Variants in SHISA9 observed in about 807,000 individuals in gnomAD.
The protein encoded by SHISA9 is protein shisa-9.
SHISA9 carries 13 observed loss-of-function variants against 38.0 expected under a neutral mutation model. That is an observed-to-expected ratio of 0.34 (90% confidence interval 0.22 to 0.54). SHISA9 has a LOEUF of 0.54. SHISA9 is among the 20% of genes least tolerant of loss of function. The pLI is 0.91. For synonymous variants in SHISA9, 275 were observed against 242.0 expected, an observed-to-expected ratio of 1.14 and a Z score of -1.27; for missense variants, 538 against 575.8, an observed-to-expected ratio of 0.93 and a Z score of 0.67.
intron 2 of SHISA9, among the ~76,000 whole-genome samples, chr16:13,196,409 AAGAAAG>A: frequency 6.6e-6 from 1 of 151,288 alleles, no homozygotes; most frequent in South Asian, 2.1e-4. Context: ...AAAAAAAAAA[AAGAAAG>A]AAAAAAAAAA....
intron 2 of SHISA9, among the ~76,000 whole-genome samples, chr16:13,187,277 A>G (rs1408338166): frequency 2.0e-5 from 3 of 148,930 alleles, no homozygotes; most frequent in Non-Finnish European, 4.5e-5. Context: ...ACTTCTCAGG[A>G]GGTAGGATTG....
the SHISA9 span, among the ~76,000 whole-genome samples, chr16:13,559,279 T>C: frequency 1.3e-5 from 2 of 152,078 alleles, no homozygotes; most frequent in Non-Finnish European, 2.9e-5. Context: ...ATTTTGTAGA[T>C]GGGAAGCTAA....
the SHISA9 span, among the ~76,000 whole-genome samples, chr16:13,335,830 A>G: frequency 6.6e-6 from 1 of 152,208 alleles, no homozygotes; most frequent in Non-Finnish European, 1.5e-5. Context: ...GGGCAGGACT[A>G]TCTTGGTGCT....
the SHISA9 span, among the ~76,000 whole-genome samples, chr16:13,313,778 A>G: frequency 1.5e-4 from 23 of 152,350 alleles, no homozygotes; most frequent in African/African-American, 5.3e-4. Context: ...GGAAATGCCA[A>G]ATTATCTACA....
chr16:13,390,350 C>T, the SHISA9 span, among the ~76,000 whole-genome samples: 2 of 152,264 alleles, frequency 1.3e-5, no homozygotes, highest in South Asian at 4.2e-4. Context: ...TGCAATCCAA[C>T]ATGAAGTGTG....
the SHISA9 span, among the ~76,000 whole-genome samples, chr16:13,496,117 G>C: frequency 1.3e-5 from 2 of 152,092 alleles, no homozygotes; most frequent in Non-Finnish European, 2.9e-5. Flanking sequence ...ACATGATAAG[G>C]TTTCAGCATT....
the SHISA9 span, among the ~76,000 whole-genome samples, chr16:13,318,814 A>T: frequency 2.0e-5 from 3 of 152,250 alleles, no homozygotes; most frequent in Non-Finnish European, 4.4e-5. Context: ...AACCTGGATC[A>T]TGGCAATCTT....
chr16:13,546,808 T>G, the SHISA9 span, among the ~76,000 whole-genome samples: 1 of 151,996 alleles, frequency 6.6e-6, no homozygotes, highest in Non-Finnish European at 1.5e-5. Flanking sequence ...ATTTGAGTAG[T>G]TGAAAAAGAA....
chr16:13,288,139 G>C, the SHISA9 span, among the ~76,000 whole-genome samples: 1 of 151,942 alleles, frequency 6.6e-6, no homozygotes, highest in Non-Finnish European at 1.5e-5. Context: ...TATGGGACTA[G>C]GTTAAAAAAA....
chr16:13,325,486 A>G, the SHISA9 span, among the ~76,000 whole-genome samples: 3 of 152,090 alleles, frequency 2.0e-5, no homozygotes, highest in Non-Finnish European at 4.4e-5. Context: ...GATGGGATCC[A>G]TTTAGTTGGT....
At chr16:13,359,884 A>G in the SHISA9 span, among the ~76,000 whole-genome samples, 1 of 152,218 alleles carries the variant, frequency 6.6e-6, no homozygotes, top group African/African-American at 2.4e-5. Flanking sequence ...GCAGCAAAGG[A>G]TGCTAGAAGC....
At chr16:13,562,566 G>A in the SHISA9 span, 2 of 148,656 alleles carry the variant, frequency 1.3e-5, no homozygotes, top group African/African-American at 5.0e-5. Flanking sequence ...GGAGGCTGAG[G>A]TTACAGTGAG....
chr16:13,119,707 C>G (rs1326569513), intron 2 of SHISA9, among the ~76,000 whole-genome samples: 1 of 152,154 alleles, frequency 6.6e-6, no homozygotes, highest in Non-Finnish European at 1.5e-5. Flanking sequence ...GTGAACTGGG[C>G]TGTATCTGAT....
At chr16:13,107,993 G>A (rs980090128) in intron 2 of SHISA9, among the ~76,000 whole-genome samples, 9 of 152,076 alleles carry the variant, frequency 5.9e-5, no homozygotes, top group Admixed American at 1.3e-4. Context: ...CATTGTAGAG[G>A]GCACATTCTC....
chr16:12,950,389 G>C (rs1013133404), intron 2 of SHISA9, among the ~76,000 whole-genome samples: 2 of 152,036 alleles, frequency 1.3e-5, no homozygotes, highest in African/African-American at 4.8e-5. Context: ...CCCAGCAGTG[G>C]GATTCCCCCG....
At chr16:13,492,973 T>C in the SHISA9 span, among the ~76,000 whole-genome samples, 1 of 151,944 alleles carries the variant, frequency 6.6e-6, no homozygotes, top group South Asian at 2.1e-4. Flanking sequence ...TGTGCAGAGA[T>C]GAGATTGGAG....
At chr16:13,402,851 G>A in the SHISA9 span, among the ~76,000 whole-genome samples, 6 of 152,296 alleles carry the variant, frequency 3.9e-5, no homozygotes, top group East Asian at 1.9e-4. Flanking sequence ...GGGTGCAGTG[G>A]CTCACGCCAG....
At chr16:13,013,139 T>G (rs2072699321) in intron 2 of SHISA9, among the ~76,000 whole-genome samples, 1 of 152,144 alleles carries the variant, frequency 6.6e-6, no homozygotes, top group African/African-American at 2.4e-5. Context: ...TCTGGCAACT[T>G]GGTGGGCCTT....
At chr16:12,969,968 C>G (rs1245829162) in intron 2 of SHISA9, among the ~76,000 whole-genome samples, 1 of 151,918 alleles carries the variant, frequency 6.6e-6, no homozygotes, top group Non-Finnish European at 1.5e-5. Flanking sequence ...ATAATCACTA[C>G]ATTCAGAATG....
Sources: gnomAD v4.1 joint callset for allele counts (sites outside exome capture counted in the v4.1 genomes callset) on GRCh38, gnomAD v4.1.1 for gene constraint, MANE v1.5 for transcripts, NCBI Gene and HGNC (gene_info 2026-07-23, HGNC 2026-07-21) for gene names.